TGFBR3: variants seen among roughly 807,000 people sequenced by gnomAD.
The protein encoded by TGFBR3 is transforming growth factor beta receptor 3.
A neutral mutation model predicts 87.9 loss-of-function variants in TGFBR3; 46 were observed. The ratio of observed to expected loss-of-function variants is 0.52; its 90% CI spans 0.41 to 0.67. TGFBR3 has a LOEUF of 0.67. Among genes scored for constraint, TGFBR3 ranks in the 30% least tolerant of loss-of-function variants. The pLI, the probability that TGFBR3 is intolerant of heterozygous loss-of-function variation, is 0.00. For synonymous variants in TGFBR3, 381 were observed against 391.6 expected, an observed-to-expected ratio of 0.97 and a Z score of 0.32; for missense variants, 866 against 1,041.9, an observed-to-expected ratio of 0.83 and a Z score of 2.32.
chr1:91,727,022 T>C (rs1672572983), intron 7 of TGFBR3, among the ~76,000 whole-genome samples: 1 of 152,222 alleles, frequency 6.6e-6, no homozygotes, highest in South Asian at 2.1e-4. Flanking sequence ...CTAAGCCTTG[T>C]GCGTACATCT....
intron 3 of TGFBR3, among the ~76,000 whole-genome samples, chr1:91,785,491 C>T (rs561077307): frequency 2.6e-5 from 4 of 152,232 alleles, no homozygotes; most frequent in Admixed American, 2.0e-4. Flanking sequence ...CTTTATGGTA[C>T]GTAAATTATA....
At chr1:91,812,116 A>G (rs1676052509) in intron 2 of TGFBR3, among the ~76,000 whole-genome samples, 2 of 152,214 alleles carry the variant, frequency 1.3e-5, no homozygotes, top group South Asian at 4.1e-4. Context: ...CAAACTGAAA[A>G]TAAAATCCCT....
chr1:91,743,975 CA>C (rs1414994186), intron 4 of TGFBR3, among the ~76,000 whole-genome samples: 3 of 151,990 alleles, frequency 2.0e-5, no homozygotes, highest in Non-Finnish European at 4.4e-5. Context: ...TACCACTTAG[CA>C]CAAGAAAAAT....
At chr1:91,750,168 C>T (rs12404952) in intron 4 of TGFBR3, among the ~76,000 whole-genome samples, 8,055 of 152,290 alleles carry the variant, frequency 0.053, 260 homozygotes, top group Middle Eastern at 0.12. Flanking sequence ...TCTACACTTG[C>T]GTGAACCCTC....
intron 4 of TGFBR3, among the ~76,000 whole-genome samples, chr1:91,740,366 C>T (rs1455934472): frequency 1.4e-5 from 2 of 144,084 alleles, no homozygotes; most frequent in South Asian, 2.3e-4. Context: ...GCTGGGATTA[C>T]AATTTTTTTT....
intron 1 of TGFBR3, among the ~76,000 whole-genome samples, chr1:91,884,072 A>G (rs1210811747): frequency 6.6e-6 from 1 of 152,186 alleles, no homozygotes; most frequent in Non-Finnish European, 1.5e-5. Context: ...CTGTAATCCC[A>G]GCACTTTGGG....
intron 2 of TGFBR3, among the ~76,000 whole-genome samples, chr1:91,835,697 G>C (rs188690998): frequency 6.6e-6 from 1 of 151,650 alleles, no homozygotes; most frequent in Non-Finnish European, 1.5e-5. Flanking sequence ...GCGTGGTGGC[G>C]GATGCCTGTA....
intron 1 of TGFBR3, among the ~76,000 whole-genome samples, chr1:91,875,221 G>A (rs770690361): frequency 1.3e-4 from 20 of 152,138 alleles, no homozygotes; most frequent in Non-Finnish European, 2.6e-4. Context: ...CCTGCCAGGA[G>A]GAGCCACATG....
intron 3 of TGFBR3, among the ~76,000 whole-genome samples, chr1:91,784,967 G>A (rs1415281229): frequency 6.6e-6 from 1 of 152,164 alleles, no homozygotes; most frequent in Non-Finnish European, 1.5e-5. Flanking sequence ...AGCTTTGCAG[G>A]CCATGCAGGT....
chr1:91,683,592 T>G lies in TGFBR3; in HGVS notation c.*147A>C, dbSNP rs761208990. 1 of 723,920 alleles carries G rather than the reference T, an allele frequency of 1.4e-6. No individual in the cohort carries two copies. The highest frequency in any genetic ancestry group is 1.5e-5 in the South Asian group (1 of 66,238). The allele number at this position is 723,920 out of a possible 1,614,324, so 44.8% of individuals were successfully genotyped here. On this transcript the variant is annotated 3_prime_UTR_variant, in exon 17 of 17. Coordinates refer to ENST00000212355, the MANE Select transcript of TGFBR3 (RefSeq NM_003243.5). Reference sequence around the variant, plus strand: ...GTGGGGTGAATACAACGGGTGATCTTTATACTGAAATTCACTCTGTCTTTA... The same window carrying G: ...GTGGGGTGAATACAACGGGTGATCTGTATACTGAAATTCACTCTGTCTTTA...
At chr1:91,810,027 G>A (rs757681499) in intron 2 of TGFBR3, among the ~76,000 whole-genome samples, 4 of 152,128 alleles carry the variant, frequency 2.6e-5, no homozygotes, top group South Asian at 2.1e-4. Context: ...GATTGTGCTC[G>A]GCTCAGTTGC....
At position 91,682,404 on chromosome 1, in the gene TGFBR3, C is replaced by CTTTTTTTT. The variant is rs59188054; in HGVS notation, c.*1327_*1334dup. 3.2e-5 allele frequency: 11 copies of CTTTTTTTT among 347,464 alleles called. No homozygotes were observed. Among genetic ancestry groups the CTTTTTTTT allele is most frequent in the East Asian group, 8.0e-5 (1 of 12,522 alleles). 21.5% of individuals were successfully genotyped at this position (347,464 alleles called of 1,614,324 possible). A position where few individuals can be genotyped will look rare whatever the true frequency, so the allele number is the denominator to read the frequency against. ...AGCATGATAATTCCCCCCTGGCATT[C>CTTTTTTTT]TTTTTTTTTTTTTTTTTTTTTAACA... is the stretch of plus-strand genomic sequence containing the variant. On this transcript the variant is annotated 3_prime_UTR_variant, in exon 17 of 17. Coordinates refer to ENST00000212355, the MANE Select transcript of TGFBR3 (RefSeq NM_003243.5).
intron 2 of TGFBR3, among the ~76,000 whole-genome samples, chr1:91,842,679 G>GCT (rs1202390211): frequency 6.6e-6 from 1 of 152,066 alleles, no homozygotes; most frequent in East Asian, 1.9e-4. Flanking sequence ...GGTTGTTCTA[G>GCT]CTCTCTCTCC....
chr1:91,855,345 C>T (rs974032006), intron 2 of TGFBR3, among the ~76,000 whole-genome samples: 3 of 152,156 alleles, frequency 2.0e-5, no homozygotes, highest in African/African-American at 4.8e-5. Flanking sequence ...CTCACCTCAG[C>T]GGCACCCCTC....
chr1:91,799,379 G>A (rs1675515448), intron 2 of TGFBR3, among the ~76,000 whole-genome samples: 1 of 152,214 alleles, frequency 6.6e-6, no homozygotes, highest in Non-Finnish European at 1.5e-5. Context: ...GGTACTGACT[G>A]TAAATTCCCT....
intron 3 of TGFBR3, among the ~76,000 whole-genome samples, chr1:91,795,483 C>T (rs1034970031): frequency 6.6e-6 from 1 of 152,184 alleles, no homozygotes; most frequent in Non-Finnish European, 1.5e-5. Context: ...GAGAGCTCTG[C>T]TGTCACTCCT....
At chr1:91,700,930 A>C (rs571787693) in intron 14 of TGFBR3, among the ~76,000 whole-genome samples, 1 of 152,208 alleles carries the variant, frequency 6.6e-6, no homozygotes, top group African/African-American at 2.4e-5. Context: ...AAAGGCATTT[A>C]AAGGTTGCTA....
intron 1 of TGFBR3, among the ~76,000 whole-genome samples, chr1:91,869,308 C>T (rs1332937834): frequency 1.3e-5 from 2 of 152,118 alleles, no homozygotes; most frequent in African/African-American, 2.4e-5. Context: ...TGGCTGACAG[C>T]GGGCATCTAA....
At chr1:91,826,498 A>C (rs1193045116) in intron 2 of TGFBR3, among the ~76,000 whole-genome samples, 1 of 152,118 alleles carries the variant, frequency 6.6e-6, no homozygotes, top group Non-Finnish European at 1.5e-5. Context: ...AGCTGAGTCA[A>C]TTCAGCCAAT....
Sources: gnomAD v4.1 joint callset for allele counts (sites outside exome capture counted in the v4.1 genomes callset) on GRCh38, gnomAD v4.1.1 for gene constraint, MANE v1.5 for transcripts, NCBI Gene and HGNC (gene_info 2026-07-23, HGNC 2026-07-21) for gene names.